Variants in EPB41L4A observed in about 807,000 individuals in gnomAD.
The protein encoded by EPB41L4A is band 4.1-like protein 4A.
EPB41L4A carries 100 observed loss-of-function variants against 108.6 expected under a neutral mutation model. The observed-to-expected ratio is 0.92, with a 90% CI of 0.78 to 1.09. The LOEUF is 1.09. Ranked by LOEUF, EPB41L4A falls within the 50% of genes least tolerant of loss-of-function variation. The probability of loss-of-function intolerance (pLI) is 0.00; values close to 1 mark genes in which losing one functional copy is unlikely to be tolerated. For missense variants in EPB41L4A, 1,030 were observed against 842.7 expected (o/e 1.22, Z -2.75); for synonymous variants, 319 against 289.0 (o/e 1.10, Z -1.05).
intron 1 of EPB41L4A, among the ~76,000 whole-genome samples, chr5:112,412,550 A>C (rs1278124749): frequency 6.6e-6 from 1 of 152,224 alleles, no homozygotes; most frequent in Non-Finnish European, 1.5e-5. Flanking sequence ...TTGAGTCACA[A>C]AGTAAACTGA....
chr5:112,418,642 G>A (rs1180309692), intron 1 of EPB41L4A, among the ~76,000 whole-genome samples: 1 of 152,184 alleles, frequency 6.6e-6, no homozygotes, highest in Non-Finnish European at 1.5e-5. Context: ...AGAGCTGCGG[G>A]GCACCCAGAG....
rs1234208234 is a variant in EPB41L4A at position 112,163,616 on chromosome 5, T to G, written c.*1374A>C. Reference sequence around the variant, plus strand: ...TAAGTAACACAGTGATTGATATTAGTGGAGTAGAGGGAAAGATCCATGTTA... The same window carrying G: ...TAAGTAACACAGTGATTGATATTAGGGGAGTAGAGGGAAAGATCCATGTTA... On this transcript the variant is annotated 3_prime_UTR_variant, in exon 23 of 23. Coordinates refer to ENST00000261486, the MANE Select transcript of EPB41L4A (RefSeq NM_022140.5). 1 of 152,098 alleles carries G rather than the reference T, an allele frequency of 6.6e-6. No individual in the cohort carries two copies. Among genetic ancestry groups the G allele is most frequent in the East Asian group, 1.9e-4 (1 of 5,184 alleles). The allele number at this position is 152,098 out of a possible 1,614,324, so 9.4% of individuals were successfully genotyped here. A position where few individuals can be genotyped will look rare whatever the true frequency, so the allele number is the denominator to read the frequency against.
intron 1 of EPB41L4A, among the ~76,000 whole-genome samples, chr5:112,329,007 G>C (rs1756375409): frequency 6.6e-6 from 1 of 152,176 alleles, no homozygotes; most frequent in South Asian, 2.1e-4. Flanking sequence ...ATGTTTCAAA[G>C]CAACTTGAAC....
chr5:112,265,238 C>T lies in EPB41L4A; in HGVS notation c.434-222G>A, dbSNP rs531808561. On this transcript the variant is annotated intron_variant, in intron 5 of 22. Coordinates refer to ENST00000261486, the MANE Select transcript of EPB41L4A (RefSeq NM_022140.5). ...ACAGAAGTTCTTTATTTTTGCATTC[C>T]CAAATACTATAATTATATCATCGTT... 5.9e-5 allele frequency among the ~76,000 whole-genome samples: 9 copies of T among 152,170 alleles called. No homozygotes were observed. The East Asian group carries it at 1.7e-3, about 29-fold the overall frequency.
At chr5:112,338,291 C>T (rs1340882197) in intron 1 of EPB41L4A, among the ~76,000 whole-genome samples, 1 of 152,068 alleles carries the variant, frequency 6.6e-6, no homozygotes, top group East Asian at 1.9e-4. Context: ...CTTCTCAGAC[C>T]CCTTCAAACC....
chr5:112,166,249 TTAA>T (rs1760237423), intron 22 of EPB41L4A, among the ~76,000 whole-genome samples: 5 of 152,246 alleles, frequency 3.3e-5, no homozygotes, highest in African/African-American at 1.2e-4. Context: ...AAATTAGAAC[TTAA>T]AGTTGTACCT....
At chr5:112,248,292 C>T (rs1750388954) in intron 9 of EPB41L4A, among the ~76,000 whole-genome samples, 1 of 152,198 alleles carries the variant, frequency 6.6e-6, no homozygotes, top group African/African-American at 2.4e-5. Flanking sequence ...CTTACCAAAC[C>T]TCTTCCAGAT....
At chr5:112,357,212 G>A (rs1429888603) in intron 1 of EPB41L4A, among the ~76,000 whole-genome samples, 3 of 152,140 alleles carry the variant, frequency 2.0e-5, no homozygotes, top group African/African-American at 7.2e-5. Flanking sequence ...AATAATAATT[G>A]TCATTTTGAG....
chr5:112,170,302 CTATT>C lies in EPB41L4A; in HGVS notation c.1734_1737del (p.Ile579ArgfsTer37). 1.2e-6 allele frequency: 2 copies of C among 1,613,048 alleles called. No individual in the cohort carries two copies. Among genetic ancestry groups the C allele is most frequent in the Non-Finnish European group, 1.7e-6 (2 of 1,179,604 alleles). ...GAGAAGATTCTGAAAGGCACTCACTCTATTTTAGTGTATGGAATCTCTTTTAATT... is the reference window on the plus strand; with the variant it reads ...GAGAAGATTCTGAAAGGCACTCACTCTTAGTGTATGGAATCTCTTTTAATT... On this transcript the variant is annotated frameshift_variant and splice_region_variant, in exon 20 of 23. Coordinates refer to ENST00000261486, the MANE Select transcript of EPB41L4A (RefSeq NM_022140.5). LOFTEE classifies it high-confidence loss of function.
intron 12 of EPB41L4A, among the ~76,000 whole-genome samples, chr5:112,148,687 C>T (rs576625061): frequency 1.3e-5 from 2 of 152,214 alleles, no homozygotes; most frequent in Non-Finnish European, 2.9e-5. Flanking sequence ...GTTTTTTTTA[C>T]AATAAAATAT....
chr5:112,194,555 A>T lies in EPB41L4A; in HGVS notation c.1502+13T>A, dbSNP rs948133069. On this transcript the variant is annotated intron_variant, in intron 17 of 22. Transcript: ENST00000261486. ...TTTCAGAGTGCCAGTTAATTATAAT[A>T]TTGAGATATTACCTGTTTCTCTTTT... The T allele has an allele frequency of 7.5e-6, 11 of 1,461,002 alleles. No homozygotes were observed. Among genetic ancestry groups the T allele is most frequent in the Non-Finnish European group, 1.0e-5 (11 of 1,054,100 alleles). 90.5% of individuals were successfully genotyped at this position (1,461,002 alleles called of 1,614,324 possible). A position where few individuals can be genotyped will look rare whatever the true frequency, so the allele number is the denominator to read the frequency against.
At chr5:112,194,988 C>T in intron 16 of EPB41L4A, among the ~76,000 whole-genome samples, 1 of 152,188 alleles carries the variant, frequency 6.6e-6, no homozygotes, top group East Asian at 1.9e-4. Context: ...GACACAAAAT[C>T]TTGTAACCCT....
At chr5:112,350,941 G>A (rs1758002298) in intron 1 of EPB41L4A, among the ~76,000 whole-genome samples, 1 of 152,176 alleles carries the variant, frequency 6.6e-6, no homozygotes, top group Admixed American at 6.5e-5. Context: ...TAAACAGAGA[G>A]ATACACATAT....
intron 15 of EPB41L4A, among the ~76,000 whole-genome samples, chr5:112,200,136 G>A (rs1762151433): frequency 2.0e-5 from 3 of 152,134 alleles, no homozygotes; most frequent in African/African-American, 7.2e-5. Flanking sequence ...GATAAACACT[G>A]GCCTTTTTCG....
chr5:112,287,485 C>G (rs1381974502), intron 2 of EPB41L4A, among the ~76,000 whole-genome samples: 1 of 152,220 alleles, frequency 6.6e-6, no homozygotes, highest in Non-Finnish European at 1.5e-5. Flanking sequence ...TCTTCAACAA[C>G]TCTTTTAATA....
chr5:112,203,000 C>A (rs1762289768), intron 15 of EPB41L4A, among the ~76,000 whole-genome samples: 1 of 151,870 alleles, frequency 6.6e-6, no homozygotes, highest in Non-Finnish European at 1.5e-5. Context: ...GCTAGGAATT[C>A]AAGACCAGCC....
intron 11 of EPB41L4A, among the ~76,000 whole-genome samples, chr5:112,236,399 C>G (rs1749333773): frequency 6.6e-6 from 1 of 152,196 alleles, no homozygotes; most frequent in Admixed American, 6.5e-5. Context: ...TAAAGCAAAG[C>G]TCTGCCTTTC....
intron 10 of EPB41L4A, 26 bp downstream of exon 10, chr5:112,240,693 C>T: frequency 7.4e-7 from 1 of 1,352,536 alleles, no homozygotes. Context: ...ATTAAGACAA[C>T]AAACAAAATT....
chr5:112,313,861 T>C lies in EPB41L4A; in HGVS notation c.100-6371A>G, dbSNP rs562567498. ...CGCTCCAAAAAAAGGTAACTTTCTT[T>C]TTTTTTTTTTTTTTTTTTTTGAGAT... On this transcript the variant is annotated intron_variant, in intron 1 of 22. Coordinates refer to ENST00000261486, the MANE Select transcript of EPB41L4A (RefSeq NM_022140.5). Among the ~76,000 whole-genome samples, 438 of 133,010 alleles carry C rather than the reference T, an allele frequency of 3.3e-3. 2 individuals carry two copies. The highest frequency in any genetic ancestry group is 0.013 in the African/African-American group (400 of 31,872). The allele number at this position is 133,010 out of a possible 152,430, so 87.3% of individuals were successfully genotyped here.
Sources: gnomAD v4.1 joint callset for allele counts (sites outside exome capture counted in the v4.1 genomes callset) on GRCh38, gnomAD v4.1.1 for gene constraint, MANE v1.5 for transcripts, NCBI Gene and HGNC (gene_info 2026-07-23, HGNC 2026-07-21) for gene names.